The following CD2 variants were observed in gnomAD, a reference collection of about 807,000 sequenced individuals.
The protein encoded by CD2 is T-cell surface antigen CD2.
Under a neutral mutation model 23.2 loss-of-function variants are expected in CD2, and 18 were observed. That is an observed-to-expected ratio of 0.77 (90% confidence interval 0.54 to 1.15). The LOEUF is 1.15. Ranked by LOEUF, CD2 falls within the 50% of genes most tolerant of loss-of-function variation. The pLI is 0.00. For missense variants in CD2, 424 were observed against 423.1 expected, an observed-to-expected ratio of 1.00 and a Z score of -0.02; for synonymous variants, 162 against 151.9, an observed-to-expected ratio of 1.07 and a Z score of -0.49.
At position 116,768,525 on chromosome 1, in the gene CD2, C is replaced by A. The variant is rs699738; in HGVS notation, c.798C>A (p.His266Gln). ...VATEERGRKP[H>Q]QIPASTPQNP... ...CTGAAGAAAGGGGCCGGAAGCCCCA[C>A]CAAATTCCAGCTTCAACCCCTCAGA... Residue 266 changes from histidine (H) to glutamine (Q), a missense_variant, in exon 5 of 5, where the codon CAC becomes CAA. By Grantham distance (24) the His-to-Gln change is conservative. Coordinates refer to ENST00000369478, the MANE Select transcript of CD2 (RefSeq NM_001767.5). 197,661 of 1,613,782 alleles carry A rather than the reference C, an allele frequency of 0.12. 21,646 individuals carry two copies. The highest frequency in any genetic ancestry group is 0.55 in the African/African-American group (41,120 of 74,854).
intron 4 of CD2, among the ~76,000 whole-genome samples, chr1:116,765,853 T>A (rs2101170283): frequency 6.6e-6 from 1 of 152,374 alleles, no homozygotes; most frequent in East Asian, 1.9e-4. Flanking sequence ...GATGGTTAGC[T>A]CATGCTGATA....
chr1:116,755,763 G>A (rs1359401293), intron 2 of CD2, among the ~76,000 whole-genome samples: 2 of 152,120 alleles, frequency 1.3e-5, no homozygotes, highest in African/African-American at 4.8e-5. Flanking sequence ...GAAGAATGAG[G>A]ATAATAAGGG....
At chr1:116,757,750 TATAGAGAG>T (rs1651904858) in intron 2 of CD2, among the ~76,000 whole-genome samples, 1 of 149,222 alleles carries the variant, frequency 6.7e-6, no homozygotes. Context: ...CATATATATA[TATAGAGAG>T]AGAGAGAGAG....
chr1:116,755,334 G>C (rs1289335755), intron 2 of CD2, among the ~76,000 whole-genome samples: 3 of 152,240 alleles, frequency 2.0e-5, no homozygotes, highest in Non-Finnish European at 4.4e-5. Context: ...TGACTGGAGA[G>C]CAGCGGGCCT....
At chr1:116,761,156 C>T (rs1652039207) in intron 3 of CD2, among the ~76,000 whole-genome samples, 1 of 152,204 alleles carries the variant, frequency 6.6e-6, no homozygotes, top group African/African-American at 2.4e-5. Context: ...TCCTGGCACA[C>T]AACAGGACGG....
At chr1:116,757,051 C>A (rs1651875062) in intron 2 of CD2, among the ~76,000 whole-genome samples, 1 of 150,114 alleles carries the variant, frequency 6.7e-6, no homozygotes, top group African/African-American at 2.5e-5. Flanking sequence ...GGCTGGAGTG[C>A]ACTGGCATGA....
At chr1:116,761,380 C>T (rs1652049363) in intron 3 of CD2, among the ~76,000 whole-genome samples, 1 of 152,164 alleles carries the variant, frequency 6.6e-6, no homozygotes, top group South Asian at 2.1e-4. Flanking sequence ...CCTCTCTAGG[C>T]TTCAGCTTCC....
At position 116,768,776 on chromosome 1, in the gene CD2, C is replaced by G; in HGVS notation, c.1049C>G (p.Ser350Cys). The change falls in exon 5 of 5, where the codon TCT becomes TGT. Residue 350 changes from serine to cysteine, a missense_variant. Coordinates refer to ENST00000369478, the MANE Select transcript of CD2 (RefSeq NM_001767.5). The part of the protein sequence containing the change: ...GAAENSLSPS[S>C]N Reference sequence around the variant, plus strand: ...GCAGAAAACTCATTGTCCCCTTCCTCTAATTAAAAAAGATAGAAACTGTCT... The same window carrying G: ...GCAGAAAACTCATTGTCCCCTTCCTGTAATTAAAAAAGATAGAAACTGTCT... The G allele has an allele frequency of 6.2e-7, 1 of 1,607,208 alleles. No individual in the cohort carries two copies. The highest frequency in any genetic ancestry group is 1.7e-5 in the Admixed American group (1 of 58,446).
At position 116,768,655 on chromosome 1, in the gene CD2, A is replaced by C; in HGVS notation, c.928A>C (p.Lys310Gln). The change falls in exon 5 of 5, where the codon AAG (lysine) becomes CAG (glutamine). Residue 310 changes from lysine (K) to glutamine (Q), a missense_variant. By Grantham distance (53) the Lys-to-Gln change is moderately conservative. Transcript: ENST00000369478. ...ACACCGTGTTCAGCACCAGCCTCAG[A>C]AGAGGCCTCCTGCTCCGTCGGGCAC... The part of the protein sequence containing the change: ...PGHRVQHQPQ[K>Q]RPPAPSGTQV... 6.2e-7 allele frequency: 1 copy of C among 1,614,084 alleles called. No homozygotes were observed. The highest frequency in any genetic ancestry group is 8.5e-7 in the Non-Finnish European group (1 of 1,180,030).
intron 4 of CD2, 136 bp downstream of exon 4, chr1:116,764,742 G>A (rs1259710169): frequency 3.0e-6 from 2 of 667,206 alleles, no homozygotes; most frequent in African/African-American, 3.7e-5. Flanking sequence ...GTAGTCAGCG[G>A]TTATAGCTTG....
At position 116,769,007 on chromosome 1, in the gene CD2, A is replaced by G. The variant is rs1211194667; in HGVS notation, c.*224A>G. 5.5e-6 allele frequency: 3 copies of G among 543,966 alleles called. No homozygotes were observed. The highest frequency in any genetic ancestry group is 9.7e-6 in the Non-Finnish European group (3 of 308,500). 33.7% of individuals were successfully genotyped at this position (543,966 alleles called of 1,614,324 possible). ...CATCACACCAGTAAGGAGAAGCAAT[A>G]TAAGTGTGATTGCAAGAATGGTAGA... On this transcript the variant is annotated 3_prime_UTR_variant, in exon 5 of 5. Transcript: ENST00000369478.
At chr1:116,762,284 C>G (rs1557917802) in intron 3 of CD2, among the ~76,000 whole-genome samples, 3 of 151,904 alleles carry the variant, frequency 2.0e-5, no homozygotes, top group South Asian at 4.2e-4. Context: ...ATCTGGCAAC[C>G]CTACTTTTCA....
chr1:116,755,257 G>A (rs965727678), intron 2 of CD2, among the ~76,000 whole-genome samples: 1 of 152,206 alleles, frequency 6.6e-6, no homozygotes, highest in African/African-American at 2.4e-5. Flanking sequence ...GGTAGGCCGA[G>A]GGAAAAGGCA....
intron 2 of CD2, among the ~76,000 whole-genome samples, chr1:116,756,684 C>T (rs1030236998): frequency 1.3e-5 from 2 of 152,122 alleles, no homozygotes; most frequent in African/African-American, 4.8e-5. Context: ...CCACAATCAA[C>T]ATTTTCATTG....
intron 4 of CD2, among the ~76,000 whole-genome samples, chr1:116,768,210 A>G (rs1431798567): frequency 6.6e-6 from 1 of 152,150 alleles, no homozygotes; most frequent in African/African-American, 2.4e-5. Flanking sequence ...AGCCCCAGGC[A>G]CAAAGCCCTC....
rs1652011180 is a variant in CD2, at chr1:116,760,524, C to T, written c.505C>T (p.Gln169Ter). The change falls in exon 3 of 5, where the codon CAG (glutamine) becomes TAG (stop). Residue 169 changes from glutamine (Q) to a stop codon, truncating the protein, a stop_gained. Coordinates refer to ENST00000369478, the MANE Select transcript of CD2 (RefSeq NM_001767.5). LOFTEE classifies it high-confidence loss of function. ...AGATGGGAAACATCTAAAACTTTCTCAGAGGGTCATCACACACAAGTGGAC... is the reference window on the plus strand; with the variant it reads ...AGATGGGAAACATCTAAAACTTTCTTAGAGGGTCATCACACACAAGTGGAC... ...YQDGKHLKLS[Q>*]RVITHKWTTS... is the part of the protein sequence containing the mutation. 6 of 1,614,076 alleles carry T rather than the reference C, an allele frequency of 3.7e-6. No homozygotes were observed. The highest frequency in any genetic ancestry group is 5.1e-6 in the Non-Finnish European group (6 of 1,180,036).
Position 116,768,542 on chromosome 1 carries a change from C to T in CD2, c.815C>T (p.Thr272Ile). 1.1e-5 allele frequency: 17 copies of T among 1,614,158 alleles called. No homozygotes were observed. The highest frequency in any genetic ancestry group is 1.4e-5 in the Non-Finnish European group (16 of 1,180,042). Residue 272 changes from threonine (T) to isoleucine (I), a missense_variant, in exon 5 of 5, where the codon ACC becomes ATC. Physicochemically the swap from Thr to Ile is moderately conservative, Grantham distance 89. Coordinates refer to ENST00000369478, the MANE Select transcript of CD2 (RefSeq NM_001767.5). The part of the protein sequence containing the change: ...GRKPHQIPAS[T>I]PQNPATSQHP... Reference sequence around the variant, plus strand: ...AAGCCCCACCAAATTCCAGCTTCAACCCCTCAGAATCCAGCAACTTCCCAA... The same window carrying T: ...AAGCCCCACCAAATTCCAGCTTCAATCCCTCAGAATCCAGCAACTTCCCAA...
At chr1:116,757,776 G>GA (rs201051830) in intron 2 of CD2, among the ~76,000 whole-genome samples, 6,737 of 142,244 alleles carry the variant, frequency 0.047, 199 homozygotes, top group Admixed American at 0.075. Context: ...GAGAGAGAGA[G>GA]GCAGACAGAA....
At position 116,768,745 on chromosome 1, in the gene CD2, G is replaced by T. The variant is rs768987861; in HGVS notation, c.1018G>T (p.Gly340Trp). Residue 340 changes from glycine (G) to tryptophan (W), a missense_variant, in exon 5 of 5, where the codon GGG becomes TGG. Coordinates refer to ENST00000369478, the MANE Select transcript of CD2 (RefSeq NM_001767.5). ...TCGAGTTCAGCCAAAACCTCCCCAT[G>T]GGGCAGCAGAAAACTCATTGTCCCC... ...RPRVQPKPPH[G>W]AAENSLSPSS... 18 of 1,613,686 alleles carry T rather than the reference G, an allele frequency of 1.1e-5. No homozygotes were observed. The highest frequency in any genetic ancestry group is 1.4e-5 in the Non-Finnish European group (17 of 1,179,954).
Sources: gnomAD v4.1 joint callset for allele counts (sites outside exome capture counted in the v4.1 genomes callset) on GRCh38, gnomAD v4.1.1 for gene constraint, MANE v1.5 for transcripts, NCBI Gene and HGNC (gene_info 2026-07-23, HGNC 2026-07-21) for gene names.